Variants in OVOL2 observed in about 807,000 individuals in gnomAD.
OVOL2 encodes transcription factor Ovo-like 2.
In OVOL2, 13 loss-of-function variants were observed where a neutral mutation model predicts 18.1. The observed-to-expected ratio is 0.72, with a 90% CI of 0.47 to 1.14. The LOEUF is 1.14. OVOL2 is among the 50% of genes most tolerant of loss of function. OVOL2 has a pLI of 0.00. For synonymous variants in OVOL2, 166 were observed against 162.7 expected (o/e 1.02, Z -0.16); for missense variants, 335 against 383.0 (o/e 0.87, Z 1.05).
chr20:18,054,051 C>T (rs927144855), intron 2 of OVOL2, among the ~76,000 whole-genome samples: 13 of 152,236 alleles, frequency 8.5e-5, no homozygotes, highest in African/African-American at 3.1e-4. Context: ...ATTCTGGTTT[C>T]ACATTCACTG....
chr20:18,049,326 T>C (rs73899395), intron 2 of OVOL2, among the ~76,000 whole-genome samples: 7,303 of 152,186 alleles, frequency 0.048, 202 homozygotes, highest in African/African-American at 0.065. Flanking sequence ...CATTCACCTG[T>C]CAAACTTCTA....
At chr20:18,054,686 G>GAGCTAAGATCCAGCCATTGCACTC (rs1197395560) in intron 2 of OVOL2, among the ~76,000 whole-genome samples, 11 of 148,874 alleles carry the variant, frequency 7.4e-5, no homozygotes, top group African/African-American at 2.5e-4. Context: ...AGGTTGCAGT[G>GAGCTAAGATCCAGCCATTGCACTC]AGCTAAGATC....
Position 18,056,598 on chromosome 20 carries a change from CG to C in OVOL2, c.321+58del. On this transcript the variant is annotated intron_variant, in intron 2 of 3. Transcript: ENST00000278780. This position sits in a 1 kb window ranked among gnomAD's most constrained non-coding sequence, Gnocchi z 4.2. The stretch of plus-strand genomic sequence containing the variant: ...GCGCGGCAGGGAGGGGCGCCGGCCT[CG>C]GGAGCCCGACGCCAGGGCGTGGTGC... 1 of 1,315,248 alleles carries C rather than the reference CG, an allele frequency of 7.6e-7. No homozygotes were observed. The highest frequency in any genetic ancestry group is 2.2e-5 in the South Asian group (1 of 44,768). The allele number at this position is 1,315,248 out of a possible 1,614,324, so 81.5% of individuals were successfully genotyped here.
chr20:18,038,489 C>T (rs909161996), intron 3 of OVOL2, among the ~76,000 whole-genome samples: 11 of 152,132 alleles, frequency 7.2e-5, no homozygotes, highest in Admixed American at 3.3e-4. Context: ...ACTATGTGAC[C>T]GCCTCAACTT....
chr20:18,044,041 T>G (rs2036701324), intron 2 of OVOL2, among the ~76,000 whole-genome samples: 1 of 152,136 alleles, frequency 6.6e-6, no homozygotes, highest in Non-Finnish European at 1.5e-5. Flanking sequence ...GTTGCTCCCT[T>G]GCCGATGCAG....
intron 3 of OVOL2, among the ~76,000 whole-genome samples, chr20:18,034,651 T>TCTCTCACACACA (rs773350112): frequency 1.4e-5 from 2 of 145,698 alleles, no homozygotes; most frequent in African/African-American, 5.2e-5. Context: ...TCTCTCTCTC[T>TCTCTCACACACA]CACACACACA....
At chr20:18,028,181 T>A (rs2122688266) in intron 3 of OVOL2, among the ~76,000 whole-genome samples, 1 of 152,166 alleles carries the variant, frequency 6.6e-6, no homozygotes, top group East Asian at 1.9e-4. Flanking sequence ...TATTTTATTT[T>A]ATTTTATTTT....
At chr20:18,026,882 G>A (rs2036524314) in intron 3 of OVOL2, among the ~76,000 whole-genome samples, 1 of 152,008 alleles carries the variant, frequency 6.6e-6, no homozygotes, top group Non-Finnish European at 1.5e-5. Flanking sequence ...TGGCTGAATA[G>A]GAGGCTCACA....
chr20:18,042,856 C>T (rs2036687082), intron 2 of OVOL2, among the ~76,000 whole-genome samples: 1 of 152,000 alleles, frequency 6.6e-6, no homozygotes, highest in South Asian at 2.1e-4. Flanking sequence ...CGCTTGTTCC[C>T]CTTCCGCCTT....
intron 3 of OVOL2, among the ~76,000 whole-genome samples, chr20:18,030,002 A>T (rs1226386469): frequency 6.6e-6 from 1 of 152,074 alleles, no homozygotes; most frequent in African/African-American, 2.4e-5. Flanking sequence ...CAAACAAACC[A>T]ACCCTCACCA....
chr20:18,039,607 C>CAAAAAAAAAAAAAA (rs111619803), intron 3 of OVOL2, among the ~76,000 whole-genome samples: 35 of 87,020 alleles, frequency 4.0e-4, no homozygotes, highest in African/African-American at 1.2e-3. Context: ...GACGCTGTCT[C>CAAAAAAAAAAAAAA]AAAAAAAAAA....
chr20:18,034,219 A>G (rs6111800), intron 3 of OVOL2, among the ~76,000 whole-genome samples: 23,921 of 152,044 alleles, frequency 0.16, 3,095 homozygotes, highest in African/African-American at 0.34. Context: ...TGGGCAAGTG[A>G]CCTTCCAGAT....
At chr20:18,030,884 C>T (rs777307008) in intron 3 of OVOL2, among the ~76,000 whole-genome samples, 5 of 152,204 alleles carry the variant, frequency 3.3e-5, no homozygotes, top group Non-Finnish European at 4.4e-5. Context: ...CACTGCCATG[C>T]GGCAGCCCCT....
intron 3 of OVOL2, among the ~76,000 whole-genome samples, chr20:18,039,891 G>A (rs1488020763): frequency 6.6e-6 from 1 of 152,122 alleles, no homozygotes; most frequent in Admixed American, 6.5e-5. Context: ...AAAATACCAA[G>A]GACGGAAAGG....
rs1655959679 is a variant in OVOL2 at position 18,024,325 on chromosome 20, C to T, written c.*311G>A. On this transcript the variant is annotated 3_prime_UTR_variant, in exon 4 of 4. Coordinates refer to ENST00000278780, the MANE Select transcript of OVOL2 (RefSeq NM_021220.4). ...ATGATGATCTCTCTAAGAAATACCTCTCCTTCCGTGTGTGAAAATCCTTGG... is the reference window on the plus strand; with the variant it reads ...ATGATGATCTCTCTAAGAAATACCTTTCCTTCCGTGTGTGAAAATCCTTGG... The T allele has an allele frequency of 3.4e-6, 1 of 298,504 alleles. No individual in the cohort carries two copies. The highest frequency in any genetic ancestry group is 6.2e-6 in the Non-Finnish European group (1 of 161,280). The allele number at this position is 298,504 out of a possible 1,614,324, so 18.5% of individuals were successfully genotyped here. A position where few individuals can be genotyped will look rare whatever the true frequency, so the allele number is the denominator to read the frequency against.
At chr20:18,039,607 CAA>C (rs111619803) in intron 3 of OVOL2, among the ~76,000 whole-genome samples, 23 of 87,036 alleles carry the variant, frequency 2.6e-4, no homozygotes, top group African/African-American at 4.0e-4. Flanking sequence ...GACGCTGTCT[CAA>C]AAAAAAAAAA....
At chr20:18,025,277 A>T (rs149253148) in intron 3 of OVOL2, among the ~76,000 whole-genome samples, 2,762 of 152,326 alleles carry the variant, frequency 0.018, 44 homozygotes, top group Non-Finnish European at 0.028. Flanking sequence ...TTTAAAAAAA[A>T]TTAATTCGGG....
Position 18,057,559 on chromosome 20 carries a change from T to C in OVOL2, c.76A>G (p.Lys26Glu), listed in dbSNP as rs73252035. The C allele has an allele frequency of 5.1e-3, 8,098 of 1,591,786 alleles. 130 individuals carry two copies. The highest frequency in any genetic ancestry group is 0.05 in the African/African-American group (3,722 of 74,198). ...VRSWDELPDE[K>E]RADTYIPVGL... ...CCTGGGATGTAGGTGTCTGCCCTTT[T>C]CTCATCCGGGAGCTCATCCCAGCTG... is the stretch of plus-strand genomic sequence containing the variant. The change falls in exon 1 of 4, where the codon AAA (lysine) becomes GAA (glutamate). Residue 26 changes from lysine (K) to glutamate (E), a missense_variant. Lys to Glu is a moderately conservative substitution (Grantham distance 56). Transcript: ENST00000278780. The surrounding 1 kb of genome is among the most constrained non-coding windows in gnomAD (Gnocchi z 6.3).
chr20:18,039,818 A>G (rs941520424), intron 3 of OVOL2, among the ~76,000 whole-genome samples: 14 of 152,148 alleles, frequency 9.2e-5, no homozygotes, highest in Admixed American at 2.6e-4. Flanking sequence ...AGGAACCTGT[A>G]TGAGGGCTGA....
Sources: allele counts gnomAD v4.1 joint callset (sites outside exome capture counted in the v4.1 genomes callset), GRCh38; gene constraint gnomAD v4.1.1; non-coding constraint Gnocchi (gnomAD v3.1); transcripts MANE v1.5; gene names NCBI Gene and HGNC (gene_info 2026-07-23, HGNC 2026-07-21).